Variants in ITGB6 observed in about 807,000 individuals in gnomAD.
ITGB6 encodes the protein integrin beta-6.
In ITGB6, 80 loss-of-function variants were observed where a neutral mutation model predicts 84.5. That is an observed-to-expected ratio of 0.95 (90% confidence interval 0.79 to 1.14). ITGB6 has a LOEUF of 1.14. ITGB6 is among the 50% of genes most tolerant of loss of function. The probability of loss-of-function intolerance (pLI) is 0.00; values close to 1 mark genes in which losing one functional copy is unlikely to be tolerated. For synonymous variants in ITGB6, 383 were observed against 354.9 expected (o/e 1.08, Z -0.89); for missense variants, 1,006 against 968.0 (o/e 1.04, Z -0.52).
Position 160,196,205 on chromosome 2 carries a change from TCCTAACATA to T in ITGB6, c.346+2_346+10del. On this transcript the variant is annotated splice_donor_variant and splice_donor_5th_base_variant and intron_variant, in intron 3 of 14. Coordinates refer to ENST00000283249, the MANE Select transcript of ITGB6 (RefSeq NM_000888.5). LOFTEE classifies it high-confidence loss of function. ...ATTAGATCTATTTACATGAGCCAAA[TCCTAACATA>T]CCTGGTCTCAACTTAAGGATCAAGC... 6.2e-7 allele frequency: 1 copy of T among 1,612,184 alleles called. No individual in the cohort carries two copies. Among genetic ancestry groups the T allele is most frequent in the Non-Finnish European group, 8.5e-7 (1 of 1,178,382 alleles).
At chr2:160,150,922 G>T (rs1316272944) in intron 7 of ITGB6, among the ~76,000 whole-genome samples, 1 of 152,120 alleles carries the variant, frequency 6.6e-6, no homozygotes, top group East Asian at 1.9e-4. Flanking sequence ...AAATATATAT[G>T]CACCTAACAC....
At chr2:160,199,127 T>G in intron 2 of ITGB6, 52 bp downstream of exon 2, 1 of 1,413,458 alleles carries the variant, frequency 7.1e-7, no homozygotes, top group Non-Finnish European at 1.0e-6. Context: ...GAAATTAACA[T>G]GAATTTAACT....
chr2:160,190,371 T>C (rs1383664865), intron 4 of ITGB6, among the ~76,000 whole-genome samples: 1 of 152,102 alleles, frequency 6.6e-6, no homozygotes, highest in Non-Finnish European at 1.5e-5. Flanking sequence ...AAAAACACTC[T>C]TTGTGATTGG....
intron 4 of ITGB6, among the ~76,000 whole-genome samples, chr2:160,184,322 A>G (rs1685807726): frequency 6.6e-6 from 1 of 152,250 alleles, no homozygotes; most frequent in African/African-American, 2.4e-5. Context: ...ACAGAAATAC[A>G]AAGTACCACC....
chr2:160,173,903 T>C, intron 5 of ITGB6, 71 bp downstream of exon 5: 1 of 1,331,634 alleles, frequency 7.5e-7, no homozygotes. Context: ...AGCTAATCTT[T>C]TTGAAGTAGA....
intron 10 of ITGB6, among the ~76,000 whole-genome samples, chr2:160,128,677 G>C (rs1326234747): frequency 1.3e-5 from 2 of 152,080 alleles, no homozygotes; most frequent in Non-Finnish European, 2.9e-5. Flanking sequence ...AGAGACAGAG[G>C]GATGGAATTC....
chr2:160,142,821 A>G (rs1166361784), intron 7 of ITGB6, among the ~76,000 whole-genome samples: 2 of 152,210 alleles, frequency 1.3e-5, no homozygotes, highest in East Asian at 3.8e-4. Context: ...AAAGAAGGGA[A>G]TTTTCCAGAC....
At chr2:160,129,125 G>A (rs544959442) in intron 10 of ITGB6, among the ~76,000 whole-genome samples, 11 of 152,234 alleles carry the variant, frequency 7.2e-5, no homozygotes, top group African/African-American at 2.6e-4. Flanking sequence ...GAGGCCTGAG[G>A]CAGACACTGT....
intron 4 of ITGB6, among the ~76,000 whole-genome samples, chr2:160,193,546 T>C (rs906357132): frequency 6.6e-6 from 1 of 152,242 alleles, no homozygotes; most frequent in Non-Finnish European, 1.5e-5. Context: ...TTGATTGCAA[T>C]GGTATATTTA....
chr2:160,148,198 T>G (rs938541896), intron 7 of ITGB6, among the ~76,000 whole-genome samples: 3 of 152,130 alleles, frequency 2.0e-5, no homozygotes, highest in Non-Finnish European at 4.4e-5. Flanking sequence ...AATAGGCATA[T>G]GAAAAGATGC....
intron 2 of ITGB6, 30 bp from the exon 3 acceptor site, chr2:160,196,450 G>GA: frequency 6.5e-7 from 1 of 1,545,028 alleles, no homozygotes. Flanking sequence ...ACAATAACCA[G>GA]AAAAAGAAAA....
intron 8 of ITGB6, among the ~76,000 whole-genome samples, chr2:160,138,898 G>A (rs1683878815): frequency 6.6e-6 from 1 of 152,170 alleles, no homozygotes; most frequent in African/African-American, 2.4e-5. Flanking sequence ...ATTGAAGTGA[G>A]TACAATCACA....
intron 14 of ITGB6, among the ~76,000 whole-genome samples, chr2:160,106,078 T>G (rs1209886939): frequency 6.6e-6 from 1 of 152,166 alleles, no homozygotes; most frequent in African/African-American, 2.4e-5. Flanking sequence ...AACCCCAGCT[T>G]TCATTTCCTT....
intron 7 of ITGB6, among the ~76,000 whole-genome samples, chr2:160,152,769 T>G (rs1396224575): frequency 1.3e-5 from 2 of 152,152 alleles, no homozygotes; most frequent in African/African-American, 4.8e-5. Context: ...AGAAAATCAA[T>G]GTCCAAAAAT....
chr2:160,110,567 T>C (rs1682455513), intron 13 of ITGB6, among the ~76,000 whole-genome samples: 1 of 152,144 alleles, frequency 6.6e-6, no homozygotes, highest in East Asian at 1.9e-4. Flanking sequence ...TCCTTGACTC[T>C]GTTGTGGCTC....
At chr2:160,133,855 A>T (rs1358531225) in intron 10 of ITGB6, among the ~76,000 whole-genome samples, 1 of 152,238 alleles carries the variant, frequency 6.6e-6, no homozygotes, top group African/African-American at 2.4e-5. Context: ...CTTTGAAACC[A>T]ACGAGAACAA....
intron 13 of ITGB6, among the ~76,000 whole-genome samples, chr2:160,108,609 G>A (rs1697002884): frequency 6.6e-6 from 1 of 152,122 alleles, no homozygotes; most frequent in South Asian, 2.1e-4. Context: ...AAGCTGAACT[G>A]TTCTTGCTTA....
rs1378342075 is a variant in ITGB6, at chr2:160,164,136, C to A, written c.1017+5076G>T. Among the ~76,000 whole-genome samples the A allele has an allele frequency of 2.6e-5, 4 of 152,264 alleles. No individual in the cohort carries two copies. The East Asian group carries it at 7.7e-4, about 29-fold the overall frequency. On this transcript the variant is annotated intron_variant, in intron 7 of 14. Transcript: ENST00000283249. Reference sequence around the variant, plus strand: ...CTTTCCAGAACACAACTCTAAAATGCCCTCATTCTGTTTTTATAGGCAAAA... The same window carrying A: ...CTTTCCAGAACACAACTCTAAAATGACCTCATTCTGTTTTTATAGGCAAAA...
intron 12 of ITGB6, among the ~76,000 whole-genome samples, chr2:160,120,141 A>G (rs941426275): frequency 2.0e-5 from 3 of 152,034 alleles, no homozygotes; most frequent in Non-Finnish European, 2.9e-5. Flanking sequence ...TAGAAATACT[A>G]TTTGACCCAG....
Sources: gnomAD v4.1 joint callset for allele counts (sites outside exome capture counted in the v4.1 genomes callset) on GRCh38, gnomAD v4.1.1 for gene constraint, MANE v1.5 for transcripts, NCBI Gene and HGNC (gene_info 2026-07-23, HGNC 2026-07-21) for gene names.